The following CCDC102A variants were observed in gnomAD, a reference collection of about 807,000 sequenced individuals.
CCDC102A encodes coiled-coil domain-containing protein 102A.
A neutral mutation model predicts 55.5 loss-of-function variants in CCDC102A; 40 were observed. That is an observed-to-expected ratio of 0.72 (90% confidence interval 0.56 to 0.94). The LOEUF is 0.94. Among genes scored for constraint, CCDC102A ranks in the 40% least tolerant of loss-of-function variants. The pLI, the probability that CCDC102A is intolerant of heterozygous loss-of-function variation, is 0.00. For synonymous variants in CCDC102A, 323 were observed against 339.0 expected (o/e 0.95, Z 0.52); for missense variants, 779 against 768.6 (o/e 1.01, Z -0.16).
At chr16:57,522,757 T>C (rs77990641) in intron 3 of CCDC102A, among the ~76,000 whole-genome samples, 5,349 of 152,358 alleles carry the variant, frequency 0.035, 127 homozygotes, top group South Asian at 0.1. Flanking sequence ...GCTATGTCTT[T>C]GCTGTTATAA....
chr16:57,532,235 T>G (rs1190300729), intron 1 of CCDC102A, among the ~76,000 whole-genome samples: 1 of 152,146 alleles, frequency 6.6e-6, no homozygotes, highest in East Asian at 1.9e-4. Flanking sequence ...ATTTTAATAG[T>G]CTGGGATATT....
chr16:57,531,210 T>C (rs2032254216), intron 1 of CCDC102A, among the ~76,000 whole-genome samples: 1 of 151,956 alleles, frequency 6.6e-6, no homozygotes, highest in Admixed American at 6.6e-5. Flanking sequence ...TTGGTTAAAA[T>C]AGAACTTGCT....
chr16:57,528,862 C>T lies in CCDC102A; in HGVS notation c.316G>A (p.Glu106Lys). The change falls in exon 2 of 9, where the codon GAG (glutamate) becomes AAG (lysine). Residue 106 changes from glutamate (E) to lysine (K), a missense_variant. Coordinates refer to ENST00000258214, the MANE Select transcript of CCDC102A (RefSeq NM_033212.4). ...TCAGCGCGCACCTTGCTCCATTTCT[C>T]GCGCCAATTGGCAGTGCAGTCCGAC... The part of the protein sequence containing the change: ...RWSDCTANWR[E>K]KWSKVRAERN... The T allele has an allele frequency of 7.4e-7, 1 of 1,351,986 alleles. No individual in the cohort carries two copies. The highest frequency in any genetic ancestry group is 1.4e-5 in the South Asian group (1 of 69,516). The allele number at this position is 1,351,986 out of a possible 1,614,324, so 83.7% of individuals were successfully genotyped here.
At chr16:57,522,579 C>T (rs1431643619) in intron 3 of CCDC102A, among the ~76,000 whole-genome samples, 1 of 152,214 alleles carries the variant, frequency 6.6e-6, no homozygotes, top group East Asian at 1.9e-4. Context: ...CAGAACTTTA[C>T]CAAAGGCTGT....
intron 5 of CCDC102A, 50 bp downstream of exon 5, chr16:57,518,575 C>A (rs1259583745): frequency 7.0e-7 from 1 of 1,423,128 alleles, no homozygotes; most frequent in Admixed American, 1.7e-5. Flanking sequence ...TGGAGCAGGG[C>A]CCCAGGACCC....
At chr16:57,531,143 G>A (rs1483736271) in intron 1 of CCDC102A, among the ~76,000 whole-genome samples, 1 of 151,848 alleles carries the variant, frequency 6.6e-6, no homozygotes, top group Non-Finnish European at 1.5e-5. Context: ...AGCCCAGGTT[G>A]CCCTCAGAGC....
rs2031952247 is a variant in CCDC102A at position 57,516,236 on chromosome 16, C to G, written c.1419+57G>C. On this transcript the variant is annotated intron_variant, in intron 7 of 8. Coordinates refer to ENST00000258214, the MANE Select transcript of CCDC102A (RefSeq NM_033212.4). The surrounding 1 kb of genome is among the most constrained non-coding windows in gnomAD (Gnocchi z 4.4). ...TGGAGAAGCCAGGATGGCCCTGCGG[C>G]CCCCACTCCTCCCTGGCCAAGGTCT... 1.9e-6 allele frequency: 3 copies of G among 1,548,968 alleles called. No homozygotes were observed. In the Admixed American group the frequency reaches 5.1e-5, roughly 26 times the overall value.
chr16:57,528,082 T>C (rs1300644594), intron 2 of CCDC102A, among the ~76,000 whole-genome samples: 1 of 152,216 alleles, frequency 6.6e-6, no homozygotes, highest in African/African-American at 2.4e-5. Context: ...GCCTCCCAAG[T>C]AGCTGGTACT....
At chr16:57,521,272 G>C in intron 3 of CCDC102A, 96 bp from the exon 4 acceptor site, 1 of 913,486 alleles carries the variant, frequency 1.1e-6, no homozygotes, top group South Asian at 1.4e-5. Flanking sequence ...TGCACTTGTT[G>C]AGCCCAAGTC....
chr16:57,515,388 C>A lies in CCDC102A; in HGVS notation c.1476G>T (p.Thr492=), dbSNP rs757108364. Residue 492 remains threonine (T), a synonymous_variant, in exon 8 of 9, where the codon ACG becomes ACT. Transcript: ENST00000258214. ...GCACTTGCAGGTTCTCGCTCTGCTCCGTCTGCTCGTCCAGCGACCGCTGCA... is the reference window on the plus strand; with the variant it reads ...GCACTTGCAGGTTCTCGCTCTGCTCAGTCTGCTCGTCCAGCGACCGCTGCA... ...RKLQRSLDEQ[T]EQSENLQVQL... 3.1e-6 allele frequency: 5 copies of A among 1,609,670 alleles called. No individual in the cohort carries two copies. Among genetic ancestry groups the A allele is most frequent in the Non-Finnish European group, 2.5e-6 (3 of 1,179,034 alleles).
Position 57,529,362 on chromosome 16 carries a change from C to G in CCDC102A, c.-147-38G>C. ...ACAACCGTTATTGGACTGCGACCAC[C>G]GTCAGTCTCGAAGATCAGCCGCGCC... On this transcript the variant is annotated intron_variant, in intron 1 of 8. Coordinates refer to ENST00000258214, the MANE Select transcript of CCDC102A (RefSeq NM_033212.4). This position sits in a 1 kb window ranked among gnomAD's most constrained non-coding sequence, Gnocchi z 4.1. 1 of 768,600 alleles carries G rather than the reference C, an allele frequency of 1.3e-6. No individual in the cohort carries two copies. Among genetic ancestry groups the G allele is most frequent in the Non-Finnish European group, 1.7e-6 (1 of 602,184 alleles). The allele number at this position is 768,600 out of a possible 1,614,324, so 47.6% of individuals were successfully genotyped here.
intron 8 of CCDC102A, among the ~76,000 whole-genome samples, chr16:57,513,406 C>A (rs115710579): frequency 0.016 from 2,439 of 152,334 alleles, 58 homozygotes; most frequent in African/African-American, 0.056. Flanking sequence ...TCCCCCAACC[C>A]CCCAGCAAAG....
rs2146700852 is a variant in CCDC102A at position 57,518,283 on chromosome 16, G to A, written c.1039-6C>T. Reference sequence around the variant, plus strand: ...TCGGCCTGCAGCCGCTCCATCTGCAGCAGGGCAGGGCAGAGTGAGGACTCC... The same window carrying A: ...TCGGCCTGCAGCCGCTCCATCTGCAACAGGGCAGGGCAGAGTGAGGACTCC... On this transcript the variant is annotated splice_polypyrimidine_tract_variant and splice_region_variant and intron_variant, in intron 5 of 8. Coordinates refer to ENST00000258214, the MANE Select transcript of CCDC102A (RefSeq NM_033212.4). The A allele has an allele frequency of 6.2e-7, 1 of 1,606,012 alleles. No individual in the cohort carries two copies. The highest frequency in any genetic ancestry group is 8.5e-7 in the Non-Finnish European group (1 of 1,179,562).
rs61749595 is a variant in CCDC102A, at chr16:57,515,403, C to T, written c.1461G>A (p.Ser487=). 3.1e-3 allele frequency: 5,034 copies of T among 1,609,300 alleles called. 123 individuals are homozygous for T. In the African/African-American group the frequency reaches 0.058, roughly 19 times the overall value. Reference sequence around the variant, plus strand: ...CGCTCTGCTCCGTCTGCTCGTCCAGCGACCGCTGCAGCTTACGTGCCTGGT... The same window carrying T: ...CGCTCTGCTCCGTCTGCTCGTCCAGTGACCGCTGCAGCTTACGTGCCTGGT... ...AHNQARKLQR[S]LDEQTEQSEN... Residue 487 remains serine, a synonymous_variant, in exon 8 of 9, where the codon TCG becomes TCA. Coordinates refer to ENST00000258214, the MANE Select transcript of CCDC102A (RefSeq NM_033212.4).
At chr16:57,514,355 A>G (rs1323431264) in intron 8 of CCDC102A, among the ~76,000 whole-genome samples, 2 of 152,072 alleles carry the variant, frequency 1.3e-5, no homozygotes, top group Non-Finnish European at 2.9e-5. Flanking sequence ...ACACACCACC[A>G]TGCCTGGCTA....
chr16:57,533,508 TCACA>T (rs1203833092), intron 1 of CCDC102A, among the ~76,000 whole-genome samples: 18 of 146,358 alleles, frequency 1.2e-4, no homozygotes, highest in Admixed American at 1.3e-4. Flanking sequence ...GGACCCGCAC[TCACA>T]CACAGCCCCA....
In CCDC102A at chr16:57,536,489, C is replaced by T. The variant is rs1160282011; in HGVS notation, c.-148+11G>A. On this transcript the variant is annotated intron_variant, in intron 1 of 8. Transcript: ENST00000258214. ...TGGCCTGCCGCCCCCCGGCCTGCCG[C>T]CCCCGCTCACCTCGGGCCGGGACTT... is the stretch of plus-strand genomic sequence containing the variant. 1 of 152,546 alleles carries T rather than the reference C, an allele frequency of 6.6e-6. No homozygotes were observed. Among genetic ancestry groups the T allele is most frequent in the Non-Finnish European group, 1.5e-5 (1 of 68,384 alleles). 9.4% of individuals were successfully genotyped at this position (152,546 alleles called of 1,614,324 possible). A position where few individuals can be genotyped will look rare whatever the true frequency, so the allele number is the denominator to read the frequency against.
At chr16:57,524,234 C>T (rs1445592353) in intron 3 of CCDC102A, among the ~76,000 whole-genome samples, 4 of 152,060 alleles carry the variant, frequency 2.6e-5, no homozygotes, top group Non-Finnish European at 4.4e-5. Context: ...CAAGGTGGGC[C>T]AAGGAGTGGA....
At position 57,518,656 on chromosome 16, in the gene CCDC102A, A is replaced by G. The variant is rs1281246178; in HGVS notation, c.1007T>C (p.Met336Thr). Residue 336 changes from methionine to threonine, a missense_variant, in exon 5 of 9, where the codon ATG (methionine) becomes ACG (threonine). Coordinates refer to ENST00000258214, the MANE Select transcript of CCDC102A (RefSeq NM_033212.4). ...LEDELGARSS[M>T]DRKMAELRGE... Reference sequence around the variant, plus strand: ...CCTCAGCTCGGCCATTTTCCGGTCCATGCTGGAGCGTGCACCGAGCTCATC... The same window carrying G: ...CCTCAGCTCGGCCATTTTCCGGTCCGTGCTGGAGCGTGCACCGAGCTCATC... The G allele has an allele frequency of 3.1e-6, 5 of 1,613,770 alleles. No homozygotes were observed. In the South Asian group the frequency reaches 3.3e-5, roughly 11 times the overall value.
Sources: allele counts gnomAD v4.1 joint callset (sites outside exome capture counted in the v4.1 genomes callset), GRCh38; gene constraint gnomAD v4.1.1; non-coding constraint Gnocchi (gnomAD v3.1); transcripts MANE v1.5; gene names NCBI Gene and HGNC (gene_info 2026-07-23, HGNC 2026-07-21).